The following NIPAL3 variants were observed in gnomAD, a reference collection of about 807,000 sequenced individuals.
NIPAL3 encodes the protein NIPA-like protein 3.
In NIPAL3, 41 loss-of-function variants were observed where a neutral mutation model predicts 47.2. The ratio of observed to expected loss-of-function variants is 0.87; its 90% CI spans 0.68 to 1.13. The LOEUF is 1.13. Ranked by LOEUF, NIPAL3 falls within the 50% of genes most tolerant of loss-of-function variation. The probability of loss-of-function intolerance (pLI) is 0.00; values close to 1 mark genes in which losing one functional copy is unlikely to be tolerated. For missense variants in NIPAL3, 449 were observed against 530.1 expected (o/e 0.85, Z 1.50); for synonymous variants, 194 against 209.6 (o/e 0.93, Z 0.64).
At chr1:24,424,428 A>G (rs1477303757) in intron 2 of NIPAL3, among the ~76,000 whole-genome samples, 3 of 152,244 alleles carry the variant, frequency 2.0e-5, no homozygotes, top group Non-Finnish European at 4.4e-5. Context: ...TATGTGACTC[A>G]GAAATGCCAC....
chr1:24,457,451 G>A (rs542131004), intron 8 of NIPAL3, among the ~76,000 whole-genome samples: 1 of 152,326 alleles, frequency 6.6e-6, no homozygotes, highest in African/African-American at 2.4e-5. Flanking sequence ...GGGAAGCTCA[G>A]GCTCAGACTG....
At position 24,462,912 on chromosome 1, in the gene NIPAL3, T is replaced by C. The variant is rs1244354243; in HGVS notation, c.927-1114T>C. ...CAGGAGTTCGAGACCAGCCTGGTGG[T>C]TTGCCAACATGGCAAAACCCCATCT... On this transcript the variant is annotated intron_variant, in intron 10 of 11. Transcript: ENST00000374399. Among the ~76,000 whole-genome samples the C allele has an allele frequency of 2.6e-5, 4 of 151,434 alleles. No homozygotes were observed. The East Asian group carries it at 7.8e-4, about 29-fold the overall frequency.
At chr1:24,413,566 C>G (rs1259037120), upstream of NIPAL3, 1 of 152,320 alleles carries the variant, frequency 6.6e-6, no homozygotes, top group African/African-American at 2.4e-5. Context: ...CCGCAAGCAC[C>G]CGGAGGCCGG....
intron 3 of NIPAL3, among the ~76,000 whole-genome samples, chr1:24,440,499 T>A (rs1164720269): frequency 6.6e-6 from 1 of 152,220 alleles, no homozygotes; most frequent in Admixed American, 6.5e-5. Context: ...CTTCTCTGGC[T>A]CTGGTCTCAT....
intron 2 of NIPAL3, among the ~76,000 whole-genome samples, chr1:24,421,420 A>G (rs1644326035): frequency 6.6e-6 from 1 of 152,198 alleles, no homozygotes; most frequent in African/African-American, 2.4e-5. Flanking sequence ...TTTAGAGATC[A>G]TCTCATCAAA....
intron 2 of NIPAL3, among the ~76,000 whole-genome samples, chr1:24,426,269 C>G (rs996934156): frequency 5.9e-5 from 9 of 151,704 alleles, no homozygotes; most frequent in Non-Finnish European, 8.8e-5. Context: ...GTTAATAGAG[C>G]CCCCTTTCAT....
At chr1:24,453,107 T>C (rs1046771063) in intron 6 of NIPAL3, among the ~76,000 whole-genome samples, 1 of 152,048 alleles carries the variant, frequency 6.6e-6, no homozygotes, top group Non-Finnish European at 1.5e-5. Flanking sequence ...AGAAACCATC[T>C]CAGCCTGATG....
Position 24,454,617 on chromosome 1 carries a change from GT to G in NIPAL3, c.637+1118del. On this transcript the variant is annotated intron_variant, in intron 7 of 11. Coordinates refer to ENST00000374399, the MANE Select transcript of NIPAL3 (RefSeq NM_020448.5). The surrounding 1 kb of genome is among the most constrained non-coding windows in gnomAD (Gnocchi z 4.1). ...CCTGTTTAAAGTATACAATTCAGTG[GT>G]TTTTAGTATTTCATAGAGTTGTGAA... The G allele has an allele frequency of 1.1e-6, 1 of 883,858 alleles. No homozygotes were observed. The highest frequency in any genetic ancestry group is 1.4e-6 in the Non-Finnish European group (1 of 737,484). The allele number at this position is 883,858 out of a possible 1,614,324, so 54.8% of individuals were successfully genotyped here.
intron 2 of NIPAL3, among the ~76,000 whole-genome samples, chr1:24,429,203 A>G (rs1644767869): frequency 6.6e-6 from 1 of 152,136 alleles, no homozygotes; most frequent in African/African-American, 2.4e-5. Flanking sequence ...TGAGGTCAGG[A>G]GTTTGAGACC....
intron 5 of NIPAL3, among the ~76,000 whole-genome samples, chr1:24,446,060 G>T (rs1645642945): frequency 9.8e-6 from 1 of 101,874 alleles, no homozygotes; most frequent in Admixed American, 1.1e-4. Flanking sequence ...TGCTCACAGA[G>T]ATTATAGTCG....
In NIPAL3 at chr1:24,449,270, CA is replaced by C. The variant is rs1423488182; in HGVS notation, c.395-210del. Among the ~76,000 whole-genome samples, 1 of 152,114 alleles carries C rather than the reference CA, an allele frequency of 6.6e-6. No individual in the cohort carries two copies. The highest frequency in any genetic ancestry group is 1.5e-5 in the Non-Finnish European group (1 of 68,002). Reference sequence around the variant, plus strand: ...CACTTTTTGTATGCATGTTATACTTCATTAAAGTTTTTTATTTTTTTACATT... The same window carrying C: ...CACTTTTTGTATGCATGTTATACTTCTTAAAGTTTTTTATTTTTTTACATT... On this transcript the variant is annotated intron_variant, in intron 5 of 11. Coordinates refer to ENST00000374399, the MANE Select transcript of NIPAL3 (RefSeq NM_020448.5). The surrounding 1 kb of genome is among the most constrained non-coding windows in gnomAD (Gnocchi z 4.5).
At chr1:24,455,981 A>C (rs772028604) in intron 7 of NIPAL3, among the ~76,000 whole-genome samples, 157 bp from the exon 8 acceptor site, 1 of 152,226 alleles carries the variant, frequency 6.6e-6, no homozygotes, top group Non-Finnish European at 1.5e-5. Context: ...GACCCAGTGC[A>C]AACGGCGTCT....
chr1:24,463,854 C>T (rs560524777), intron 10 of NIPAL3, among the ~76,000 whole-genome samples, 172 bp from the exon 11 acceptor site: 100 of 152,166 alleles, frequency 6.6e-4, no homozygotes, highest in African/African-American at 2.2e-3. Flanking sequence ...CTTGCATCTG[C>T]CCCTGCTGAT....
intron 5 of NIPAL3, among the ~76,000 whole-genome samples, chr1:24,448,393 TTC>T (rs1267629476): frequency 6.6e-6 from 1 of 152,126 alleles, no homozygotes; most frequent in Non-Finnish European, 1.5e-5. Context: ...CCACTAACAG[TTC>T]TCTGACAGGT....
At chr1:24,443,073 G>T (rs988225309) in intron 4 of NIPAL3, among the ~76,000 whole-genome samples, 2 of 152,132 alleles carry the variant, frequency 1.3e-5, no homozygotes. Flanking sequence ...AAAGTGCTGG[G>T]ACTACAATTG....
intron 4 of NIPAL3, among the ~76,000 whole-genome samples, chr1:24,443,823 AT>A (rs1050995964): frequency 1.3e-5 from 2 of 151,856 alleles, no homozygotes; most frequent in African/African-American, 4.8e-5. Flanking sequence ...CTTCCAGACC[AT>A]TTTCTATATT....
At chr1:24,466,543 C>T (rs1164636290) in intron 11 of NIPAL3, among the ~76,000 whole-genome samples, 1 of 152,156 alleles carries the variant, frequency 6.6e-6, no homozygotes, top group Non-Finnish European at 1.5e-5. Context: ...CTGACAGCAT[C>T]CAACCCAAAG....
intron 4 of NIPAL3, among the ~76,000 whole-genome samples, chr1:24,442,988 C>G (rs966993590): frequency 5.9e-5 from 9 of 152,080 alleles, no homozygotes; most frequent in Non-Finnish European, 1.2e-4. Context: ...ACAAATTAAG[C>G]TTTTGTAGGG....
chr1:24,467,300 A>G (rs1251678034), intron 11 of NIPAL3, among the ~76,000 whole-genome samples: 1 of 100,224 alleles, frequency 1.0e-5, no homozygotes, highest in Non-Finnish European at 2.3e-5. Flanking sequence ...CGTCTTTACT[A>G]AAAATACAAA....
Sources: allele counts gnomAD v4.1 joint callset (sites outside exome capture counted in the v4.1 genomes callset), GRCh38; gene constraint gnomAD v4.1.1; non-coding constraint Gnocchi (gnomAD v3.1); transcripts MANE v1.5; gene names NCBI Gene and HGNC (gene_info 2026-07-23, HGNC 2026-07-21).